NCKAP5: variants seen among roughly 807,000 people sequenced by gnomAD.
NCKAP5 encodes nck-associated protein 5.
In NCKAP5, 92 loss-of-function variants were observed where a neutral mutation model predicts 167.0. The observed-to-expected ratio is 0.55, with a 90% CI of 0.47 to 0.66. The LOEUF is 0.66. NCKAP5 is among the 30% of genes least tolerant of loss of function. NCKAP5 has a pLI of 0.00. For missense variants in NCKAP5, 2,378 were observed against 2,315.0 expected (o/e 1.03, Z -0.56); for synonymous variants, 891 against 877.4 (o/e 1.02, Z -0.27).
rs562802099 is a variant in NCKAP5 at position 132,683,117 on chromosome 2, C to A, written c.5714-9812G>T. Among the ~76,000 whole-genome samples, 90 of 152,072 alleles carry A rather than the reference C, an allele frequency of 5.9e-4. 1 individual carries two copies. The highest frequency in any genetic ancestry group is 9.9e-4 in the Non-Finnish European group (67 of 68,018). On this transcript the variant is annotated intron_variant, in intron 19 of 19. Transcript: ENST00000409261. Reference sequence around the variant, plus strand: ...CAGGCTGGTTTCGAATACCTGACCTCAGGCCATCCACCTGCCTCAGCCTCC... The same window carrying A: ...CAGGCTGGTTTCGAATACCTGACCTAAGGCCATCCACCTGCCTCAGCCTCC...
intron 6 of NCKAP5, among the ~76,000 whole-genome samples, chr2:133,013,761 A>G (rs1194268442): frequency 6.6e-6 from 1 of 150,528 alleles, no homozygotes; most frequent in East Asian, 1.9e-4. Flanking sequence ...TTGCTCCTTG[A>G]ACCCTTTTTT....
At chr2:133,046,915 T>C (rs146767202) in intron 6 of NCKAP5, among the ~76,000 whole-genome samples, 2 of 152,246 alleles carry the variant, frequency 1.3e-5, no homozygotes, top group African/African-American at 4.8e-5. Context: ...CAGACATCCT[T>C]GAACCTGCCT....
At chr2:133,405,678 G>A (rs1688382194) in intron 3 of NCKAP5, among the ~76,000 whole-genome samples, 1 of 152,192 alleles carries the variant, frequency 6.6e-6, no homozygotes, top group African/African-American at 2.4e-5. Flanking sequence ...AAAGAGTAAA[G>A]TTTTTCTGAC....
intron 19 of NCKAP5, among the ~76,000 whole-genome samples, chr2:132,685,768 A>G (rs1685857796): frequency 6.6e-6 from 1 of 152,164 alleles, no homozygotes; most frequent in Admixed American, 6.5e-5. Context: ...GAGCTGCAGT[A>G]GAAATTGCAA....
chr2:132,954,169 C>T (rs1381793999), intron 8 of NCKAP5, among the ~76,000 whole-genome samples: 1 of 152,108 alleles, frequency 6.6e-6, no homozygotes, highest in Non-Finnish European at 1.5e-5. Context: ...AAAGAGTAAT[C>T]ACAAATAGAA....
intron 3 of NCKAP5, among the ~76,000 whole-genome samples, chr2:133,503,005 G>A (rs1682668689): frequency 6.6e-6 from 1 of 152,128 alleles, no homozygotes; most frequent in Admixed American, 6.5e-5. Context: ...CCTACTTCTG[G>A]CATCTGAGAG....
intron 19 of NCKAP5, among the ~76,000 whole-genome samples, chr2:132,717,587 ATC>A (rs1437038946): frequency 6.6e-6 from 1 of 152,212 alleles, no homozygotes; most frequent in African/African-American, 2.4e-5. Context: ...TTAGTTATGA[ATC>A]TCTAAATATC....
intron 6 of NCKAP5, among the ~76,000 whole-genome samples, chr2:133,033,714 A>G (rs997604523): frequency 6.6e-6 from 1 of 152,118 alleles, no homozygotes; most frequent in Non-Finnish European, 1.5e-5. Context: ...GAAAAATACA[A>G]TTAGCATACT....
At chr2:133,176,631 G>A (rs1201059090) in intron 5 of NCKAP5, among the ~76,000 whole-genome samples, 1 of 152,138 alleles carries the variant, frequency 6.6e-6, no homozygotes, top group African/African-American at 2.4e-5. Context: ...CTAGTAACCT[G>A]GTTTCTAGTC....
At chr2:132,922,865 T>A (rs1695552074) in intron 8 of NCKAP5, among the ~76,000 whole-genome samples, 1 of 152,264 alleles carries the variant, frequency 6.6e-6, no homozygotes, top group Non-Finnish European at 1.5e-5. Context: ...CTTCTGGTCA[T>A]GGACCTTTAT....
At chr2:133,468,417 A>T (rs911927762) in intron 3 of NCKAP5, among the ~76,000 whole-genome samples, 1 of 149,512 alleles carries the variant, frequency 6.7e-6, no homozygotes, top group African/African-American at 2.5e-5. Flanking sequence ...TGCTGAGGAG[A>T]GCTTTACTTC....
intron 6 of NCKAP5, among the ~76,000 whole-genome samples, chr2:133,049,790 C>G (rs1347572627): frequency 1.3e-5 from 2 of 152,106 alleles, no homozygotes; most frequent in Non-Finnish European, 2.9e-5. Flanking sequence ...GTCACTCAAC[C>G]TAAATCCCAG....
At chr2:133,090,479 G>C (rs1448978111) in intron 6 of NCKAP5, among the ~76,000 whole-genome samples, 2 of 152,078 alleles carry the variant, frequency 1.3e-5, no homozygotes, top group African/African-American at 4.8e-5. Context: ...CATGGCCACA[G>C]GCCAAGGATG....
At chr2:133,542,115 G>A (rs1686274681) in intron 2 of NCKAP5, among the ~76,000 whole-genome samples, 2 of 152,092 alleles carry the variant, frequency 1.3e-5, no homozygotes, top group Non-Finnish European at 2.9e-5. Flanking sequence ...TTTCAATGTT[G>A]GGGAGGAGAT....
intron 6 of NCKAP5, among the ~76,000 whole-genome samples, chr2:133,061,662 A>G (rs142009025): frequency 1.2e-3 from 179 of 152,374 alleles, no homozygotes; most frequent in Middle Eastern, 6.8e-3. Flanking sequence ...ACATTGTCTG[A>G]CGGAACTGCC....
intron 8 of NCKAP5, among the ~76,000 whole-genome samples, chr2:132,934,874 T>C (rs1696722074): frequency 6.6e-6 from 1 of 152,292 alleles, no homozygotes; most frequent in South Asian, 2.1e-4. Flanking sequence ...TCACCTCTTG[T>C]ATGTGAATAT....
intron 4 of NCKAP5, among the ~76,000 whole-genome samples, chr2:133,278,907 G>A (rs1248413206): frequency 6.6e-6 from 1 of 152,008 alleles, no homozygotes; most frequent in African/African-American, 2.4e-5. Flanking sequence ...AACATAGGAA[G>A]AGGTAGTCAA....
intron 16 of NCKAP5, among the ~76,000 whole-genome samples, chr2:132,767,427 G>A (rs1681602071): frequency 6.6e-6 from 1 of 152,000 alleles, no homozygotes; most frequent in Non-Finnish European, 1.5e-5. Flanking sequence ...TGTATTTTTA[G>A]TAGAGATGGG....
chr2:133,186,996 G>C (rs150470657), intron 5 of NCKAP5, among the ~76,000 whole-genome samples: 169 of 151,878 alleles, frequency 1.1e-3, no homozygotes, highest in Non-Finnish European at 2.1e-3. Context: ...TCCTCTGCAA[G>C]CTTCGGGTTT....
Sources: gnomAD v4.1 joint callset for allele counts (sites outside exome capture counted in the v4.1 genomes callset) on GRCh38, gnomAD v4.1.1 for gene constraint, MANE v1.5 for transcripts, NCBI Gene and HGNC (gene_info 2026-07-23, HGNC 2026-07-21) for gene names.